The following DNAH8 variants were observed in gnomAD, a reference collection of about 807,000 sequenced individuals.
DNAH8 encodes the protein axonemal beta dynein heavy chain 8.
Under a neutral mutation model 562.1 loss-of-function variants are expected in DNAH8, and 382 were observed. The observed-to-expected ratio is 0.68, with a 90% CI of 0.63 to 0.74. DNAH8 has a LOEUF of 0.74. DNAH8 is among the 30% of genes least tolerant of loss of function. DNAH8 has a pLI of 0.00. For missense variants in DNAH8, 5,203 were observed against 5,620.4 expected, an observed-to-expected ratio of 0.93 and a Z score of 2.37; for synonymous variants, 1,881 against 1,919.4, an observed-to-expected ratio of 0.98 and a Z score of 0.52.
intron 85 of DNAH8, among the ~76,000 whole-genome samples, chr6:38,975,831 T>C (rs2150699594): frequency 6.6e-6 from 1 of 152,372 alleles, no homozygotes; most frequent in African/African-American, 2.4e-5. Flanking sequence ...TAATATTTTA[T>C]GATTGTGTTC....
At chr6:38,779,499 G>C (rs1248528263) in intron 14 of DNAH8, among the ~76,000 whole-genome samples, 7 of 152,074 alleles carry the variant, frequency 4.6e-5, no homozygotes, top group Non-Finnish European at 1.0e-4. Flanking sequence ...TCTCTGAATG[G>C]AAGTGACATT....
At chr6:38,961,622 G>C (rs1035331473) in intron 82 of DNAH8, among the ~76,000 whole-genome samples, 1 of 151,946 alleles carries the variant, frequency 6.6e-6, no homozygotes, top group Non-Finnish European at 1.5e-5. Flanking sequence ...ATCTTGATGG[G>C]TGCTATAAAA....
chr6:38,996,009 T>G (rs1040563481), intron 88 of DNAH8, among the ~76,000 whole-genome samples: 29 of 152,340 alleles, frequency 1.9e-4, no homozygotes, highest in African/African-American at 6.5e-4. Context: ...TTGACACAGA[T>G]GAACACTTCA....
At chr6:38,842,336 T>A in intron 33 of DNAH8, 32 bp from the exon 34 acceptor site, 1 of 1,561,076 alleles carries the variant, frequency 6.4e-7, no homozygotes, top group Non-Finnish European at 8.7e-7. Context: ...ATATTATACA[T>A]GATGTGATAA....
intron 74 of DNAH8, among the ~76,000 whole-genome samples, chr6:38,928,406 C>T (rs1782278902): frequency 6.6e-6 from 1 of 152,106 alleles, no homozygotes; most frequent in Non-Finnish European, 1.5e-5. Flanking sequence ...TTTTCTTCAC[C>T]TTGTTTATTA....
At chr6:38,767,610 C>G (rs932426025) in intron 11 of DNAH8, among the ~76,000 whole-genome samples, 2 of 152,154 alleles carry the variant, frequency 1.3e-5, no homozygotes, top group Non-Finnish European at 2.9e-5. Context: ...CATCTACGTT[C>G]TAGCATGTAT....
rs755396684 is a variant in DNAH8, at chr6:38,982,478, C to T, written c.12951+16C>T. ...TATTAAGAAAGTGAGTGAAATTATG[C>T]CTTTTTTCCTGTTTTTATTGCTCTT... On this transcript the variant is annotated intron_variant, in intron 86 of 92. Transcript: ENST00000327475. 4 of 1,223,076 alleles carry T rather than the reference C, an allele frequency of 3.3e-6. No homozygotes were observed. The highest frequency in any genetic ancestry group is 1.2e-5 in the South Asian group (1 of 82,494). The allele number at this position is 1,223,076 out of a possible 1,614,324, so 75.8% of individuals were successfully genotyped here.
intron 21 of DNAH8, among the ~76,000 whole-genome samples, chr6:38,800,203 A>G (rs958849087): frequency 2.0e-4 from 31 of 151,400 alleles, no homozygotes; most frequent in Non-Finnish European, 7.4e-5. Flanking sequence ...TGCTGCGAAC[A>G]TAAGTGTCTA....
chr6:38,890,832 C>T, intron 58 of DNAH8, 71 bp downstream of exon 58: 1 of 1,056,456 alleles, frequency 9.5e-7, no homozygotes, highest in Non-Finnish European at 1.5e-6. Flanking sequence ...CCTCGTGGCT[C>T]ATTAAGTTAT....
intron 65 of DNAH8, 34 bp from the exon 66 acceptor site, chr6:38,911,434 G>T: frequency 6.8e-7 from 1 of 1,472,318 alleles, no homozygotes; most frequent in Non-Finnish European, 9.5e-7. Context: ...TACGCACAAT[G>T]ATTGAAATGG....
At chr6:38,943,535 GC>G (rs1229265776) in intron 79 of DNAH8, among the ~76,000 whole-genome samples, 2 of 152,242 alleles carry the variant, frequency 1.3e-5, no homozygotes, top group African/African-American at 4.8e-5. Flanking sequence ...TTTGCAAGGT[GC>G]CTTTGACTTT....
intron 35 of DNAH8, among the ~76,000 whole-genome samples, chr6:38,844,915 T>A (rs1447004537): frequency 1.3e-5 from 2 of 152,182 alleles, no homozygotes; most frequent in African/African-American, 4.8e-5. Flanking sequence ...CTTAGGACAT[T>A]TATTACACAG....
chr6:38,928,395 C>CT, intron 74 of DNAH8, among the ~76,000 whole-genome samples: 1 of 152,236 alleles, frequency 6.6e-6, no homozygotes, highest in Non-Finnish European at 1.5e-5. Flanking sequence ...CTTACTGGTG[C>CT]TTTTCTTCAC....
chr6:38,989,170 G>A (rs1280069727), intron 87 of DNAH8, among the ~76,000 whole-genome samples: 4 of 152,212 alleles, frequency 2.6e-5, no homozygotes, highest in African/African-American at 7.2e-5. Context: ...ACCAGAGGAA[G>A]GCACCGTCCC....
chr6:38,912,806 C>A (rs1268777512), intron 66 of DNAH8, among the ~76,000 whole-genome samples: 1 of 147,478 alleles, frequency 6.8e-6, no homozygotes, highest in African/African-American at 2.5e-5. Flanking sequence ...TAGTTTTACT[C>A]TTTTTTTTTT....
intron 53 of DNAH8, among the ~76,000 whole-genome samples, chr6:38,878,792 C>T (rs1778222814): frequency 6.6e-6 from 1 of 152,070 alleles, no homozygotes; most frequent in Non-Finnish European, 1.5e-5. Context: ...GCACAGCATG[C>T]TGAATATAGT....
intron 24 of DNAH8, among the ~76,000 whole-genome samples, chr6:38,808,833 C>T (rs1771536064): frequency 6.6e-6 from 1 of 152,088 alleles, no homozygotes; most frequent in East Asian, 1.9e-4. Context: ...AGCAAACTAA[C>T]ACAAGAGCAG....
At chr6:38,956,111 C>T (rs1263848406) in intron 82 of DNAH8, among the ~76,000 whole-genome samples, 1 of 152,218 alleles carries the variant, frequency 6.6e-6, no homozygotes, top group Non-Finnish European at 1.5e-5. Flanking sequence ...TGTCTCCAAC[C>T]ACCCTCAGCT....
chr6:38,765,494 A>C (rs950276214), intron 11 of DNAH8, among the ~76,000 whole-genome samples: 1 of 152,154 alleles, frequency 6.6e-6, no homozygotes, highest in Non-Finnish European at 1.5e-5. Context: ...CGATGGTTCA[A>C]TTTTATTGTT....
Sources: gnomAD v4.1 joint callset for allele counts (sites outside exome capture counted in the v4.1 genomes callset) on GRCh38, gnomAD v4.1.1 for gene constraint, MANE v1.5 for transcripts, NCBI Gene and HGNC (gene_info 2026-07-23, HGNC 2026-07-21) for gene names.